Variants in ARSB observed in about 807,000 individuals in gnomAD.
ARSB encodes the protein arylsulfatase B.
In ARSB, 41 loss-of-function variants were observed where a neutral mutation model predicts 50.9. That is an observed-to-expected ratio of 0.81 (90% CI 0.63 to 1.04). ARSB has a LOEUF of 1.04. ARSB is among the 50% of genes least tolerant of loss of function. The pLI, the probability that ARSB is intolerant of heterozygous loss-of-function variation, is 0.00. For missense variants in ARSB, 672 were observed against 693.3 expected (o/e 0.97, Z 0.35); for synonymous variants, 269 against 284.8 (o/e 0.94, Z 0.56).
intron 5 of ARSB, among the ~76,000 whole-genome samples, chr5:78,882,370 T>TAG (rs1216278648): frequency 2.0e-5 from 3 of 152,194 alleles, no homozygotes; most frequent in Non-Finnish European, 4.4e-5. Context: ...ACTTCTGTTG[T>TAG]AGAGGCTGCT....
At chr5:78,877,571 T>G (rs777478535) in intron 5 of ARSB, among the ~76,000 whole-genome samples, 4 of 152,076 alleles carry the variant, frequency 2.6e-5, no homozygotes, top group Non-Finnish European at 5.9e-5. Context: ...ATATTTTTAT[T>G]AGAGACGGGG....
chr5:78,965,218 AC>A (rs1263079044), intron 2 of ARSB, among the ~76,000 whole-genome samples: 1 of 152,206 alleles, frequency 6.6e-6, no homozygotes, highest in Non-Finnish European at 1.5e-5. Context: ...TCTCAATTTC[AC>A]CCCAGATTTA....
At chr5:78,785,202 C>T (rs1246852052) in intron 6 of ARSB, among the ~76,000 whole-genome samples, 1 of 151,894 alleles carries the variant, frequency 6.6e-6, no homozygotes, top group Non-Finnish European at 1.5e-5. Flanking sequence ...TATTATTTCC[C>T]TCCTTTTATT....
At chr5:78,903,251 C>T (rs758731598) in intron 4 of ARSB, among the ~76,000 whole-genome samples, 3 of 151,950 alleles carry the variant, frequency 2.0e-5, no homozygotes, top group East Asian at 1.9e-4. Flanking sequence ...ATGAGAGGTG[C>T]GTTAAAGAAA....
rs1035210606 is a variant in ARSB at position 78,985,003 on chromosome 5, C to T, written c.246G>A (p.Leu82=). 27 of 1,539,358 alleles carry T rather than the reference C, an allele frequency of 1.8e-5. No individual in the cohort carries two copies. Among genetic ancestry groups the T allele is most frequent in the Admixed American group, 7.9e-5 (4 of 50,824 alleles). ...ACAGCGGCTGCGTGTAGTAGTTGTCCAGGAGCACCCCGCCGGCCGCCAGCG... is the reference window on the plus strand; with the variant it reads ...ACAGCGGCTGCGTGTAGTAGTTGTCTAGGAGCACCCCGCCGGCCGCCAGCG... ...LDALAAGGVL[L]DNYYTQPLCT... The change falls in exon 1 of 8, where the codon CTG becomes CTA. Residue 82 remains leucine (L), a synonymous_variant. Transcript: ENST00000264914.
intron 4 of ARSB, among the ~76,000 whole-genome samples, chr5:78,924,578 T>C (rs1391950405): frequency 6.6e-6 from 1 of 152,236 alleles, no homozygotes; most frequent in Non-Finnish European, 1.5e-5. Context: ...AACAATATTT[T>C]CCAAGGAATT....
chr5:78,929,182 G>A (rs139627073), intron 4 of ARSB, among the ~76,000 whole-genome samples: 4 of 152,222 alleles, frequency 2.6e-5, no homozygotes, highest in East Asian at 1.9e-4. Flanking sequence ...TTGAATCCAC[G>A]CATACTCCTG....
intron 2 of ARSB, among the ~76,000 whole-genome samples, chr5:78,967,668 G>A (rs1173124968): frequency 7.6e-6 from 1 of 132,300 alleles, no homozygotes; most frequent in African/African-American, 2.7e-5. Context: ...GCGAGACTCC[G>A]TATATAAAAA....
At chr5:78,809,885 G>A (rs1743743455) in intron 6 of ARSB, among the ~76,000 whole-genome samples, 1 of 152,202 alleles carries the variant, frequency 6.6e-6, no homozygotes, top group African/African-American at 2.4e-5. Context: ...GGCTGACCAT[G>A]GGCCACAGAG....
At chr5:78,817,190 C>T (rs1199935394) in intron 6 of ARSB, 1 of 825,432 alleles carries the variant, frequency 1.2e-6, no homozygotes, top group African/African-American at 1.9e-5. Flanking sequence ...GCTATGGTGA[C>T]CACTGTTGTC....
intron 1 of ARSB, among the ~76,000 whole-genome samples, 157 bp from the exon 2 acceptor site, chr5:78,969,349 T>G (rs111726691): frequency 6.6e-6 from 1 of 152,230 alleles, no homozygotes; most frequent in African/African-American, 2.4e-5. Flanking sequence ...GGCAGAATTC[T>G]CTTATTCAAA....
chr5:78,787,440 T>C (rs1369668720), intron 6 of ARSB, among the ~76,000 whole-genome samples: 1 of 152,064 alleles, frequency 6.6e-6, no homozygotes, highest in African/African-American at 2.4e-5. Flanking sequence ...GAGGCAGAGG[T>C]TTCTTAGAAT....
At chr5:78,935,872 T>C (rs970304992) in intron 4 of ARSB, among the ~76,000 whole-genome samples, 1 of 151,904 alleles carries the variant, frequency 6.6e-6, no homozygotes, top group African/African-American at 2.4e-5. Context: ...TCCTGAGTAT[T>C]TACAAAAGTC....
intron 4 of ARSB, among the ~76,000 whole-genome samples, chr5:78,910,821 C>T (rs1483137789): frequency 1.3e-5 from 2 of 152,192 alleles, no homozygotes; most frequent in African/African-American, 4.8e-5. Flanking sequence ...TGAAAACAGA[C>T]TGCTGGGAAC....
chr5:78,978,694 T>A (rs1044231870), intron 1 of ARSB, among the ~76,000 whole-genome samples: 1 of 152,216 alleles, frequency 6.6e-6, no homozygotes, highest in African/African-American at 2.4e-5. Flanking sequence ...TTGTAAGTCA[T>A]ACGTCTATGG....
intron 4 of ARSB, among the ~76,000 whole-genome samples, chr5:78,929,840 G>A (rs1292169904): frequency 6.7e-6 from 1 of 149,612 alleles, no homozygotes; most frequent in Admixed American, 6.7e-5. Context: ...CTGATCTTCA[G>A]AACTCCTCAG....
intron 6 of ARSB, among the ~76,000 whole-genome samples, chr5:78,805,629 A>C (rs956906964): frequency 2.6e-5 from 4 of 152,226 alleles, no homozygotes; most frequent in African/African-American, 9.6e-5. Flanking sequence ...CTTGACTAGA[A>C]AAACAAGCAG....
intron 5 of ARSB, among the ~76,000 whole-genome samples, chr5:78,882,328 G>A (rs1747788529): frequency 1.3e-5 from 2 of 152,180 alleles, no homozygotes; most frequent in South Asian, 4.1e-4. Flanking sequence ...ATGAGACTGA[G>A]AGACAAGAGA....
intron 5 of ARSB, among the ~76,000 whole-genome samples, chr5:78,867,004 G>C (rs1435889289): frequency 6.6e-6 from 1 of 152,222 alleles, no homozygotes; most frequent in African/African-American, 2.4e-5. Context: ...TGCCTCACCT[G>C]GGAAGCGCAA....
Sources: allele counts gnomAD v4.1 joint callset (sites outside exome capture counted in the v4.1 genomes callset), GRCh38; gene constraint gnomAD v4.1.1; transcripts MANE v1.5; gene names NCBI Gene and HGNC (gene_info 2026-07-23, HGNC 2026-07-21).